The following RANBP2 variants were observed in gnomAD, a reference collection of about 807,000 sequenced individuals.
RANBP2 encodes the protein E3 SUMO-protein ligase RanBP2.
RANBP2 carries 57 observed loss-of-function variants against 303.6 expected under a neutral mutation model. That is an observed-to-expected ratio of 0.19 (90% CI 0.15 to 0.23). The LOEUF is 0.23. RANBP2 is among the 10% of genes least tolerant of loss of function. The probability of loss-of-function intolerance (pLI) is 1.00; values close to 1 mark genes in which losing one functional copy is unlikely to be tolerated. For synonymous variants in RANBP2, 1,167 were observed against 1,301.5 expected, an observed-to-expected ratio of 0.90 and a Z score of 2.23; for missense variants, 3,138 against 3,780.8, an observed-to-expected ratio of 0.83 and a Z score of 4.46.
the RANBP2 span, among the ~76,000 whole-genome samples, chr2:108,846,326 CTTTAAA>C: frequency 2.0e-5 from 3 of 152,080 alleles, no homozygotes; most frequent in Non-Finnish European, 2.9e-5. Context: ...ATATTTTCAA[CTTTAAA>C]TTAGCCACAG....
the RANBP2 span, chr2:108,912,550 T>G: frequency 1.2e-6 from 1 of 840,788 alleles, no homozygotes; most frequent in Non-Finnish European, 2.0e-6. Context: ...TTCAATTACA[T>G]TAGGGAGGTG....
chr2:109,771,361 C>T, the RANBP2 span, among the ~76,000 whole-genome samples: 17 of 82,472 alleles, frequency 2.1e-4, 3 homozygotes, highest in Admixed American at 2.3e-3. Flanking sequence ...GGATAAAGTC[C>T]GTTCTGCCTG....
At chr2:108,955,701 G>A in the RANBP2 span, among the ~76,000 whole-genome samples, 3 of 152,022 alleles carry the variant, frequency 2.0e-5, no homozygotes, top group South Asian at 6.2e-4. Flanking sequence ...GTGAGACTCT[G>A]TCTCAAAAAA....
intron 6 of RANBP2, among the ~76,000 whole-genome samples, chr2:108,736,726 C>G (rs2149133856): frequency 6.6e-6 from 1 of 151,982 alleles, no homozygotes; most frequent in African/African-American, 2.4e-5. Flanking sequence ...ACCTTTTTTC[C>G]TAAATTTTGA....
the RANBP2 span, among the ~76,000 whole-genome samples, chr2:109,668,286 T>C: frequency 2.0e-5 from 3 of 152,246 alleles, no homozygotes; most frequent in African/African-American, 7.2e-5. Flanking sequence ...TTTTGTACTA[T>C]AAAAATATAA....
At chr2:108,769,803 A>T (rs2556251) in intron 20 of RANBP2, among the ~76,000 whole-genome samples, 1 of 151,554 alleles carries the variant, frequency 6.6e-6, no homozygotes, top group South Asian at 2.1e-4. Flanking sequence ...GCACCGATCA[A>T]TTTTAGAAGT....
chr2:109,449,073 C>A, the RANBP2 span: 5 of 1,417,422 alleles, frequency 3.5e-6, no homozygotes, highest in Non-Finnish European at 4.8e-6. Flanking sequence ...TGTGAGTGCT[C>A]GAGAAGGGAG....
chr2:109,310,719 C>G, the RANBP2 span, among the ~76,000 whole-genome samples: 13 of 71,430 alleles, frequency 1.8e-4, 2 homozygotes, highest in South Asian at 5.0e-4. Flanking sequence ...AACACCTCTA[C>G]GCAAATAAAC....
the RANBP2 span, among the ~76,000 whole-genome samples, chr2:109,182,001 G>C: frequency 6.6e-6 from 1 of 152,140 alleles, no homozygotes; most frequent in African/African-American, 2.4e-5. Flanking sequence ...AGGGGAGGAG[G>C]AGCCTGATTT....
the RANBP2 span, chr2:109,613,495 A>G: frequency 4.1e-6 from 1 of 245,790 alleles, no homozygotes; most frequent in Non-Finnish European, 8.1e-6. Context: ...AGAGACCCAC[A>G]AACACCGCTG....
chr2:109,487,427 G>C, the RANBP2 span, among the ~76,000 whole-genome samples: 4 of 152,220 alleles, frequency 2.6e-5, no homozygotes, highest in Non-Finnish European at 5.9e-5. Flanking sequence ...CACAGCGATT[G>C]GTAATAACTG....
the RANBP2 span, among the ~76,000 whole-genome samples, chr2:109,524,469 A>AAAAAAAC: frequency 3.3e-4 from 27 of 80,860 alleles, no homozygotes; most frequent in South Asian, 2.5e-3. Context: ...AAAAAAAACA[A>AAAAAAAC]AACAACACTG....
At chr2:108,807,061 A>G in the RANBP2 span, among the ~76,000 whole-genome samples, 6 of 152,238 alleles carry the variant, frequency 3.9e-5, no homozygotes, top group Admixed American at 6.5e-5. Context: ...AGAGGAAAAT[A>G]TGTCTTTCAT....
chr2:109,567,955 C>T, the RANBP2 span: 1 of 1,611,638 alleles, frequency 6.2e-7, no homozygotes, highest in East Asian at 2.2e-5. Flanking sequence ...TCTGCTTTGG[C>T]AATCACTGGT....
the RANBP2 span, among the ~76,000 whole-genome samples, chr2:109,423,741 AC>A: frequency 6.6e-6 from 1 of 152,146 alleles, no homozygotes; most frequent in East Asian, 1.9e-4. Flanking sequence ...CCCCATGGTC[AC>A]CCCTTCCAGG....
chr2:109,148,600 C>T, the RANBP2 span, among the ~76,000 whole-genome samples: 2 of 152,088 alleles, frequency 1.3e-5, no homozygotes. Context: ...GTAAAATACT[C>T]GATTATGTAT....
chr2:109,705,854 T>A, the RANBP2 span, among the ~76,000 whole-genome samples: 18 of 152,326 alleles, frequency 1.2e-4, no homozygotes, highest in African/African-American at 4.3e-4. Flanking sequence ...GGTTATCTAA[T>A]GGACATCTCA....
At chr2:108,788,953 G>A (rs773195278), downstream of RANBP2, 20 of 1,613,834 alleles carry the variant, frequency 1.2e-5, no homozygotes, top group Non-Finnish European at 1.5e-5. Context: ...ATTCAAGCAC[G>A]TAAATGTGAA....
the RANBP2 span, among the ~76,000 whole-genome samples, chr2:109,153,759 G>C: frequency 6.6e-6 from 1 of 152,172 alleles, no homozygotes; most frequent in Non-Finnish European, 1.5e-5. Context: ...GTGCATTTTG[G>C]CTAAAGCCAC....
Sources: allele counts gnomAD v4.1 joint callset (sites outside exome capture counted in the v4.1 genomes callset), GRCh38; gene constraint gnomAD v4.1.1; transcripts MANE v1.5; gene names NCBI Gene and HGNC (gene_info 2026-07-23, HGNC 2026-07-21).